AGAP6: variants seen among roughly 807,000 people sequenced by gnomAD.
AGAP6 encodes the protein arf-GAP with GTPase, ANK repeat and PH domain-containing protein 6.
Under a neutral mutation model 63.9 loss-of-function variants are expected in AGAP6, and 29 were observed. The ratio of observed to expected loss-of-function variants is 0.45; its 90% CI spans 0.34 to 0.62. The LOEUF is 0.62. AGAP6 is among the 20% of genes least tolerant of loss of function. The probability of loss-of-function intolerance (pLI) is 0.01; values close to 1 mark genes in which losing one functional copy is unlikely to be tolerated. For missense variants in AGAP6, 493 were observed against 884.9 expected (o/e 0.56, Z 5.62); for synonymous variants, 199 against 332.9 (o/e 0.60, Z 4.38).
chr10:49,996,378 G>C (rs1841487504), intron 4 of AGAP6, among the ~76,000 whole-genome samples: 1 of 152,108 alleles, frequency 6.6e-6, no homozygotes, highest in Admixed American at 6.5e-5. Context: ...CAGGATTTCT[G>C]TTAACTGATA....
At position 50,004,701 on chromosome 10, in the gene AGAP6, C is replaced by T; in HGVS notation, c.514C>T (p.Pro172Ser). ...CTTCCACAGTGTGACCTTGGAGATA[C>T]CTCATCATATCACACAAAGGTGAGC... is the stretch of plus-strand genomic sequence containing the variant. ...MTIISVTLEI[P>S]HHITQRDADR... Residue 172 changes from proline (P) to serine (S), a missense_variant, in exon 6 of 8, where the codon CCT (proline) becomes TCT (serine). Physicochemically the swap from Pro to Ser is moderately conservative, Grantham distance 74. This residue lies in a region of AGAP6 where 342 missense variants were observed against 533.4 expected (regional missense o/e 0.64). Coordinates refer to ENST00000412531, the MANE Select transcript of AGAP6 (RefSeq NM_001077665.3). 1 of 1,375,838 alleles carries T rather than the reference C, an allele frequency of 7.3e-7. No homozygotes were observed. The highest frequency in any genetic ancestry group is 9.8e-7 in the Non-Finnish European group (1 of 1,019,716). The allele number at this position is 1,375,838 out of a possible 1,614,324, so 85.2% of individuals were successfully genotyped here. A position where few individuals can be genotyped will look rare whatever the true frequency, so the allele number is the denominator to read the frequency against.
At chr10:50,005,856 G>A (rs569482310) in intron 6 of AGAP6, among the ~76,000 whole-genome samples, 19 of 149,548 alleles carry the variant, frequency 1.3e-4, no homozygotes, top group African/African-American at 4.7e-4. Context: ...GGAGGTGGAG[G>A]TTGCAGTGAG....
intron 3 of AGAP6, among the ~76,000 whole-genome samples, chr10:49,993,667 A>G (rs1250963754): frequency 6.6e-6 from 1 of 151,956 alleles, no homozygotes; most frequent in East Asian, 1.9e-4. Context: ...AATACAAAAA[A>G]CAATTAGCTA....
chr10:49,991,528 C>G (rs1362515618), intron 2 of AGAP6, 148 bp from the exon 3 acceptor site: 1 of 1,136,922 alleles, frequency 8.8e-7, no homozygotes, highest in Non-Finnish European at 1.2e-6. Flanking sequence ...TCTTGCCTGG[C>G]TCTATCTTAT....
chr10:49,997,647 C>T (rs576472811), intron 4 of AGAP6, among the ~76,000 whole-genome samples: 1 of 152,098 alleles, frequency 6.6e-6, no homozygotes, highest in South Asian at 2.1e-4. Context: ...TTTATTATTT[C>T]CATAGGTTTC....
chr10:50,004,741 T>C (rs1554863586), intron 6 of AGAP6, 21 bp downstream of exon 6: 1 of 954,864 alleles, frequency 1.0e-6, no homozygotes, highest in African/African-American at 1.7e-5. Flanking sequence ...TAGAAACCTG[T>C]CTTGTTATTC....
At chr10:49,997,574 T>C (rs570796191) in intron 4 of AGAP6, among the ~76,000 whole-genome samples, 1 of 152,228 alleles carries the variant, frequency 6.6e-6, no homozygotes, top group South Asian at 2.1e-4. Context: ...GTGAAAAATA[T>C]GAACTTTAGT....
chr10:49,992,008 T>C (rs1430561461), intron 3 of AGAP6, among the ~76,000 whole-genome samples: 2 of 152,126 alleles, frequency 1.3e-5, no homozygotes, highest in African/African-American at 2.4e-5. Context: ...GGATTTCTCT[T>C]TATAATTCTT....
chr10:49,988,784 G>A lies in AGAP6; in HGVS notation c.69G>A (p.Ser23=), dbSNP rs782058724. 5.0e-6 allele frequency: 8 copies of A among 1,596,910 alleles called. No individual in the cohort carries two copies. Among genetic ancestry groups the A allele is most frequent in the Admixed American group, 5.0e-5 (3 of 59,950 alleles). ...VSLEFDQQQG[S]VCPSESETYE... ...TCGAGTTTGACCAGCAGCAGGGGTC[G>A]GTGTGTCCCTCTGAATCTGAGACCT... The change falls in exon 1 of 8, where the codon TCG becomes TCA. Residue 23 remains serine (S), a synonymous_variant. Coordinates refer to ENST00000412531, the MANE Select transcript of AGAP6 (RefSeq NM_001077665.3).
At chr10:49,995,784 G>T (rs1182018297) in intron 4 of AGAP6, among the ~76,000 whole-genome samples, 1 of 152,188 alleles carries the variant, frequency 6.6e-6, no homozygotes, top group African/African-American at 2.4e-5. Context: ...CCTCCTCTTT[G>T]ATAGAGAGTA....
In AGAP6 at chr10:49,998,049, G is replaced by C. The variant is rs1238375699; in HGVS notation, c.396+3620G>C. On this transcript the variant is annotated intron_variant, in intron 4 of 7. Transcript: ENST00000412531. ...ATCACGGTTTCTTTATCCACTCATT[G>C]ATTGATGGGCATTTGGGCTGGTTCC... is the stretch of plus-strand genomic sequence containing the variant. 1.1e-4 allele frequency among the ~76,000 whole-genome samples: 15 copies of C among 131,146 alleles called. 1 individual carries two copies. The highest frequency in any genetic ancestry group is 1.9e-4 in the Non-Finnish European group (12 of 64,186). The allele number at this position is 131,146 out of a possible 152,430, so 86.0% of individuals were successfully genotyped here.
chr10:49,994,314 G>A (rs1554861592), intron 3 of AGAP6, 81 bp from the exon 4 acceptor site: 11 of 1,375,578 alleles, frequency 8.0e-6, no homozygotes, highest in South Asian at 1.3e-5. Flanking sequence ...TTACGTAGGA[G>A]TAATCAGTAA....
intron 5 of AGAP6, among the ~76,000 whole-genome samples, chr10:50,004,230 C>G (rs1841819981): frequency 7.3e-6 from 1 of 136,350 alleles, no homozygotes; most frequent in Admixed American, 8.7e-5. Flanking sequence ...GTGGCGCAAA[C>G]TTGTAGTCCC....
At chr10:49,995,651 G>A (rs1371412201) in intron 4 of AGAP6, among the ~76,000 whole-genome samples, 1 of 151,936 alleles carries the variant, frequency 6.6e-6, no homozygotes, top group Non-Finnish European at 1.5e-5. Context: ...AAGTCTTTTG[G>A]GATCTCACGT....
At chr10:49,993,869 A>C (rs1841379479) in intron 3 of AGAP6, among the ~76,000 whole-genome samples, 1 of 152,050 alleles carries the variant, frequency 6.6e-6, no homozygotes. Context: ...AGTTGTGTAA[A>C]GACCGTTTTT....
chr10:50,007,953 A>G, intron 6 of AGAP6, 72 bp from the exon 7 acceptor site: 2 of 1,609,624 alleles, frequency 1.2e-6, no homozygotes, highest in Non-Finnish European at 8.5e-7. Context: ...CACAGGAGGC[A>G]GTATTTTACT....
rs190939645 is a variant in AGAP6, at chr10:50,008,147, C to T, written c.585+71C>T. 11 of 1,611,152 alleles carry T rather than the reference C, an allele frequency of 6.8e-6. No homozygotes were observed. In the African/African-American group the frequency reaches 8.0e-5, roughly 12 times the overall value. ...ATCTGTTTCATGCTGAAGTCAAAGC[C>T]ATCTTTTTTTAAATCTTCCCCATTT... On this transcript the variant is annotated intron_variant, in intron 7 of 7. Coordinates refer to ENST00000412531, the MANE Select transcript of AGAP6 (RefSeq NM_001077665.3).
chr10:49,999,227 G>A (rs1336911282), intron 4 of AGAP6, among the ~76,000 whole-genome samples: 1 of 136,354 alleles, frequency 7.3e-6, no homozygotes, highest in Non-Finnish European at 1.5e-5. Context: ...GCAACAGAGC[G>A]AGACTCCATC....
chr10:50,009,214 A>G lies in AGAP6; in HGVS notation c.1089A>G (p.Leu363=), dbSNP rs1232421738. The change falls in exon 8 of 8, where the codon CTA becomes CTG. Residue 363 remains leucine, a synonymous_variant. Coordinates refer to ENST00000412531, the MANE Select transcript of AGAP6 (RefSeq NM_001077665.3). The part of the protein sequence containing the change: ...TPISSSKSNG[L]SKDMDTGLGD... Reference sequence around the variant, plus strand: ...TCTCCAGCTCTAAAAGCAATGGCCTATCCAAGGACATGGACACCGGGCTGG... The same window carrying G: ...TCTCCAGCTCTAAAAGCAATGGCCTGTCCAAGGACATGGACACCGGGCTGG... 3.8e-5 allele frequency: 61 copies of G among 1,614,098 alleles called. No homozygotes were observed. In the Admixed American group the frequency reaches 1.0e-3, roughly 27 times the overall value.
Sources: allele counts gnomAD v4.1 joint callset (sites outside exome capture counted in the v4.1 genomes callset), GRCh38; gene constraint gnomAD v4.1.1; regional missense constraint gnomAD v4.1.1; transcripts MANE v1.5; gene names NCBI Gene and HGNC (gene_info 2026-07-23, HGNC 2026-07-21).